The following EYA1 variants were observed in gnomAD, a reference collection of about 807,000 sequenced individuals.
EYA1 encodes the protein protein phosphatase EYA1.
In EYA1, 16 loss-of-function variants were observed where a neutral mutation model predicts 82.0. The observed-to-expected ratio is 0.20, with a 90% confidence interval of 0.13 to 0.30. EYA1 has a LOEUF of 0.30. Ranked by LOEUF, EYA1 falls within the 10% of genes least tolerant of loss-of-function variation. The pLI, the probability that EYA1 is intolerant of heterozygous loss-of-function variation, is 1.00. For synonymous variants in EYA1, 261 were observed against 264.4 expected, an observed-to-expected ratio of 0.99 and a Z score of 0.12; for missense variants, 633 against 730.7, an observed-to-expected ratio of 0.87 and a Z score of 1.54.
At chr8:71,486,658 C>T (rs1171277145) in intron 2 of EYA1, among the ~76,000 whole-genome samples, 1 of 152,180 alleles carries the variant, frequency 6.6e-6, no homozygotes, top group Non-Finnish European at 1.5e-5. Flanking sequence ...GGTCAAGGCC[C>T]AGAGCCAAGA....
At chr8:71,465,548 G>C (rs1808711070) in intron 2 of EYA1, among the ~76,000 whole-genome samples, 1 of 152,084 alleles carries the variant, frequency 6.6e-6, no homozygotes. Context: ...TCTTGAACCT[G>C]GGAGGCAGAG....
At chr8:71,412,887 C>T (rs900874185) in intron 2 of EYA1, among the ~76,000 whole-genome samples, 4 of 152,284 alleles carry the variant, frequency 2.6e-5, no homozygotes, top group African/African-American at 4.8e-5. Context: ...CTGATATTTC[C>T]ATACCTCCAC....
In EYA1 at chr8:71,252,980, G is replaced by A. The variant is rs537850634; in HGVS notation, c.1051-8288C>T. Among the ~76,000 whole-genome samples, 29 of 152,242 alleles carry A rather than the reference G, an allele frequency of 1.9e-4. 1 individual carries two copies. Among genetic ancestry groups the A allele is most frequent in the African/African-American group, 5.8e-4 (24 of 41,550 alleles). The stretch of plus-strand genomic sequence containing the variant: ...ACCCTGACCAAGTTTATCTACAAAT[G>A]TATGCCAGTAATACATGGTTATAAA... On this transcript the variant is annotated intron_variant, in intron 11 of 17. Transcript: ENST00000340726.
In EYA1 at chr8:71,199,266, G is replaced by A; in HGVS notation, c.*74C>T. On this transcript the variant is annotated 3_prime_UTR_variant, in exon 18 of 18. Coordinates refer to ENST00000340726, the MANE Select transcript of EYA1 (RefSeq NM_000503.6). ...TTGCTAAGTTCTGGAGGCCGGCGCT[G>A]ATGCGAGACTGGGGCCTGCTGGATC... The A allele has an allele frequency of 8.9e-7, 1 of 1,119,054 alleles. No individual in the cohort carries two copies. Among genetic ancestry groups the A allele is most frequent in the Non-Finnish European group, 1.3e-6 (1 of 755,214 alleles). 69.3% of individuals were successfully genotyped at this position (1,119,054 alleles called of 1,614,324 possible).
At chr8:71,320,385 A>G (rs1822402635) in intron 6 of EYA1, among the ~76,000 whole-genome samples, 1 of 152,242 alleles carries the variant, frequency 6.6e-6, no homozygotes, top group Non-Finnish European at 1.5e-5. Context: ...ATAAATTTTG[A>G]GAACGTAAAT....
chr8:71,254,893 C>T (rs528031091), intron 11 of EYA1, among the ~76,000 whole-genome samples: 76 of 145,472 alleles, frequency 5.2e-4, no homozygotes, highest in African/African-American at 1.9e-3. Flanking sequence ...ATACATTCAG[C>T]ACAGTTGCAG....
intron 1 of EYA1, among the ~76,000 whole-genome samples, chr8:71,358,390 CA>C (rs1394573986): frequency 6.6e-6 from 1 of 152,182 alleles, no homozygotes; most frequent in Non-Finnish European, 1.5e-5. Context: ...AGTCCATATG[CA>C]TGATCTACAT....
Position 71,352,786 on chromosome 8 carries a change from AAAAG to A in EYA1, c.124+1992_124+1995del, listed in dbSNP as rs1309119526. 3.9e-4 allele frequency among the ~76,000 whole-genome samples: 60 copies of A among 152,332 alleles called. 1 individual carries two copies. The highest frequency in any genetic ancestry group is 1.4e-3 in the African/African-American group (57 of 41,572). ...AATATGAATGTGATATCAAGCTATA[AAAAG>A]TAAATATTCAGAAATATATTATTAC... On this transcript the variant is annotated intron_variant, in intron 3 of 17. Coordinates refer to ENST00000340726, the MANE Select transcript of EYA1 (RefSeq NM_000503.6).
chr8:71,216,730 A>G lies in EYA1; in HGVS notation c.1322T>C (p.Val441Ala). 6.2e-7 allele frequency: 1 copy of G among 1,612,650 alleles called. No homozygotes were observed. Among genetic ancestry groups the G allele is most frequent in the Non-Finnish European group, 8.5e-7 (1 of 1,179,514 alleles). ...MRKLAFRYRR[V>A]KEIYNTYKNN... ...TTTGTAGGTGTTGTAGATCTCTTTT[A>G]CCCGTCTGTAGCGGAAGGCCAACTT... Residue 441 changes from valine (V) to alanine (A), a missense_variant, in exon 14 of 18, where the codon GTA becomes GCA. Physicochemically the swap from Val to Ala is moderately conservative, Grantham distance 64. Transcript: ENST00000340726.
intron 2 of EYA1, among the ~76,000 whole-genome samples, chr8:71,401,459 T>C (rs59490467): frequency 0.6 from 91,501 of 152,060 alleles, 28,897 homozygotes; most frequent in Middle Eastern, 0.71. Flanking sequence ...AAGTAAATAA[T>C]TAATTTTCAT....
intron 11 of EYA1, among the ~76,000 whole-genome samples, chr8:71,259,032 A>G (rs1814782317): frequency 6.6e-6 from 1 of 152,152 alleles, no homozygotes; most frequent in Admixed American, 6.5e-5. Flanking sequence ...TGGAATTTAT[A>G]GTGTTTTTTA....
intron 12 of EYA1, chr8:71,225,080 A>T (rs1585863246): frequency 3.4e-6 from 1 of 290,470 alleles, no homozygotes; most frequent in Middle Eastern, 4.1e-4. Flanking sequence ...TGCAGGAACC[A>T]TGTTTTTACT....
At chr8:71,532,694 G>A (rs1177204927) in intron 2 of EYA1, among the ~76,000 whole-genome samples, 3 of 152,142 alleles carry the variant, frequency 2.0e-5, no homozygotes, top group Non-Finnish European at 4.4e-5. Flanking sequence ...AGGGAGGCAA[G>A]TATTTCAACC....
At chr8:71,209,729 T>C (rs1308597316) in intron 17 of EYA1, among the ~76,000 whole-genome samples, 1 of 152,236 alleles carries the variant, frequency 6.6e-6, no homozygotes, top group East Asian at 1.9e-4. Flanking sequence ...TATGGAAATA[T>C]ACATGGATTC....
chr8:71,228,240 C>A (rs140060389), intron 12 of EYA1, among the ~76,000 whole-genome samples: 5 of 152,244 alleles, frequency 3.3e-5, no homozygotes, highest in Non-Finnish European at 7.3e-5. Flanking sequence ...CTCTAAGTAT[C>A]CGTGGGTCTG....
intron 2 of EYA1, among the ~76,000 whole-genome samples, chr8:71,532,708 C>T (rs1814390179): frequency 6.6e-6 from 1 of 152,066 alleles, no homozygotes; most frequent in Non-Finnish European, 1.5e-5. Context: ...TTCAACCTTA[C>T]TAGAAAAGGC....
At chr8:71,512,968 G>A (rs1407099865) in intron 2 of EYA1, among the ~76,000 whole-genome samples, 27 of 152,106 alleles carry the variant, frequency 1.8e-4, no homozygotes, top group Admixed American at 1.7e-3. Flanking sequence ...CCATACACAA[G>A]GTGGAAAGAT....
chr8:71,330,576 C>T (rs982777621), intron 4 of EYA1, among the ~76,000 whole-genome samples: 2 of 152,148 alleles, frequency 1.3e-5, no homozygotes, highest in African/African-American at 4.8e-5. Context: ...ATTCATGAAT[C>T]ATTCATTCAT....
chr8:71,317,492 C>T (rs1822050148), intron 7 of EYA1, 60 bp downstream of exon 7: 4 of 1,563,198 alleles, frequency 2.6e-6, no homozygotes, highest in Non-Finnish European at 3.5e-6. Context: ...TCAGGTTCTA[C>T]TTTAGAAGTT....
Sources: gnomAD v4.1 joint callset for allele counts (sites outside exome capture counted in the v4.1 genomes callset) on GRCh38, gnomAD v4.1.1 for gene constraint, MANE v1.5 for transcripts, NCBI Gene and HGNC (gene_info 2026-07-23, HGNC 2026-07-21) for gene names.